BCAN: variants seen among roughly 807,000 people sequenced by gnomAD.
BCAN encodes the protein brevican core protein.
BCAN carries 51 observed loss-of-function variants against 92.4 expected under a neutral mutation model. The ratio of observed to expected loss-of-function variants is 0.55; its 90% CI spans 0.44 to 0.70. BCAN has a LOEUF of 0.70. Ranked by LOEUF, BCAN falls within the 30% of genes least tolerant of loss-of-function variation. BCAN has a pLI of 0.00. For synonymous variants in BCAN, 501 were observed against 505.2 expected (o/e 0.99, Z 0.11); for missense variants, 1,140 against 1,212.1 (o/e 0.94, Z 0.88).
Position 156,653,578 on chromosome 1 carries a change from C to T in BCAN, c.1942+686C>T, listed in dbSNP as rs887251064. Reference sequence around the variant, plus strand: ...CTTCTTCTCTGGCTCCATGTCTCTCCCTGTCTCTGTGTGTGTCTTGGCCTC... The same window carrying T: ...CTTCTTCTCTGGCTCCATGTCTCTCTCTGTCTCTGTGTGTGTCTTGGCCTC... On this transcript the variant is annotated intron_variant, in intron 8 of 13. Coordinates refer to ENST00000329117, the MANE Select transcript of BCAN (RefSeq NM_021948.5). 2.1e-5 allele frequency: 20 copies of T among 969,050 alleles called. No homozygotes were observed. The African/African-American group carries it at 3.5e-4, about 17-fold the overall frequency. 60.0% of individuals were successfully genotyped at this position (969,050 alleles called of 1,614,324 possible).
In BCAN at chr1:156,652,746, G is replaced by A. The variant is rs761504175; in HGVS notation, c.1796G>A (p.Arg599Gln). 22 of 1,604,768 alleles carry A rather than the reference G, an allele frequency of 1.4e-5. No individual in the cohort carries two copies. The highest frequency in any genetic ancestry group is 1.7e-5 in the Non-Finnish European group (20 of 1,174,454). ...EGAPSLLPAT[R>Q]APEGTRELEA... is the part of the protein sequence containing the mutation. The stretch of plus-strand genomic sequence containing the variant: ...GCCCCTTCCCTGCTTCCAGCCACAC[G>A]GGCCCCTGAGGGTACCAGGGAGCTG... The change falls in exon 8 of 14, where the codon CGG (arginine) becomes CAG (glutamine). Residue 599 changes from arginine to glutamine, a missense_variant. By Grantham distance (43) the Arg-to-Gln change is conservative. Transcript: ENST00000329117.
chr1:156,653,481 A>G, intron 8 of BCAN: 1 of 987,328 alleles, frequency 1.0e-6, no homozygotes, highest in African/African-American at 1.7e-5. Context: ...AAGCTCTGGT[A>G]CCCTCTGTCT....
At chr1:156,643,425 C>T (rs962311467) in intron 1 of BCAN, 1 of 152,114 alleles carries the variant, frequency 6.6e-6, no homozygotes, top group Non-Finnish European at 1.5e-5. Context: ...CTCATGAAGC[C>T]GTTAAGGGGG....
intron 10 of BCAN, chr1:156,657,302 A>G: frequency 2.6e-6 from 2 of 775,176 alleles, no homozygotes; most frequent in Non-Finnish European, 4.0e-6. Context: ...CGGAGAGTGG[A>G]GGTTCGCGCA....
At chr1:156,646,009 G>T in intron 1 of BCAN, 38 bp from the exon 2 acceptor site, 2 of 1,573,758 alleles carry the variant, frequency 1.3e-6, no homozygotes, top group Non-Finnish European at 1.7e-6. Context: ...CCATCCTGAA[G>T]TCTAACCCCA....
intron 1 of BCAN, among the ~76,000 whole-genome samples, chr1:156,645,579 A>T (rs1433456847): frequency 6.6e-6 from 1 of 152,010 alleles, no homozygotes; most frequent in Admixed American, 6.6e-5. Flanking sequence ...ACTATGGGAG[A>T]AGGCTCTGGG....
Position 156,648,758 on chromosome 1 carries a change from G to A in BCAN, c.960G>A (p.Gln320=). The A allele has an allele frequency of 6.2e-7, 1 of 1,611,782 alleles. No homozygotes were observed. Among genetic ancestry groups the A allele is most frequent in the Non-Finnish European group, 8.5e-7 (1 of 1,178,078 alleles). The change falls in exon 6 of 14, where the codon CAG becomes CAA. Residue 320 remains glutamine (Q), a synonymous_variant. Transcript: ENST00000329117. ...GCTACCCCATCGTCACACCCAGCCA[G>A]CGCTGTGGTGGGGGCTTGCCTGGTG... The part of the protein sequence containing the change: ...SVRYPIVTPS[Q]RCGGGLPGVK...
chr1:156,648,559 T>C lies in BCAN; in HGVS notation c.770-9T>C. 1.3e-6 allele frequency: 2 copies of C among 1,573,100 alleles called. No homozygotes were observed. Among genetic ancestry groups the C allele is most frequent in the Non-Finnish European group, 1.7e-6 (2 of 1,150,282 alleles). On this transcript the variant is annotated splice_polypyrimidine_tract_variant and intron_variant, in intron 5 of 13. Coordinates refer to ENST00000329117, the MANE Select transcript of BCAN (RefSeq NM_021948.5). ...TGCCTGATAACCCAGCCTTCTCTTC[T>C]CCACCCAGGAGAACTGTTCCTGGGT...
Position 156,647,296 on chromosome 1 carries a change from GA to G in BCAN, c.466+126del. The G allele has an allele frequency of 3.1e-6, 4 of 1,300,396 alleles. No homozygotes were observed. Among genetic ancestry groups the G allele is most frequent in the Non-Finnish European group, 3.1e-6 (3 of 966,684 alleles). The allele number at this position is 1,300,396 out of a possible 1,614,324, so 80.6% of individuals were successfully genotyped here. A position where few individuals can be genotyped will look rare whatever the true frequency, so the allele number is the denominator to read the frequency against. On this transcript the variant is annotated intron_variant, in intron 3 of 13. Transcript: ENST00000329117. The surrounding 1 kb of genome is among the most constrained non-coding windows in gnomAD (Gnocchi z 4.8). ...TAGCTGGAAGGCGCAGCCTGGGTTG[GA>G]AAAAGAGTGAGGAGACACGGGCCTT...
intron 8 of BCAN, chr1:156,653,222 C>T (rs913357921): frequency 7.8e-7 from 1 of 1,280,302 alleles, no homozygotes; most frequent in African/African-American, 1.5e-5. Context: ...GTCCTCATCA[C>T]CTATTGCAGC....
rs1172585766 is a variant in BCAN at position 156,655,859 on chromosome 1, G to T, written c.1943-423G>T. Among the ~76,000 whole-genome samples the T allele has an allele frequency of 2.6e-5, 4 of 152,228 alleles. 1 individual carries two copies. The highest frequency in any genetic ancestry group is 4.1e-4 in the South Asian group (2 of 4,832). On this transcript the variant is annotated intron_variant, in intron 8 of 13. Transcript: ENST00000329117. ...TGGGACCTGGCACAAAGACAAGGGG[G>T]TGTGGCACTAAACTCCAAGCCTAGA...
rs1329084676 is a variant in BCAN at position 156,646,224 on chromosome 1, AAG to A, written c.91+87_91+88del. 3.6e-6 allele frequency: 5 copies of A among 1,381,480 alleles called. No individual in the cohort carries two copies. In the African/African-American group the frequency reaches 5.7e-5, roughly 16 times the overall value. 85.6% of individuals were successfully genotyped at this position (1,381,480 alleles called of 1,614,324 possible). On this transcript the variant is annotated intron_variant, in intron 2 of 13. Transcript: ENST00000329117. The stretch of plus-strand genomic sequence containing the variant: ...TGCTTCCAGGCTTAGGGGCCCCAGG[AAG>A]AGAGAGAATTGGAGGGCTGTGGGGA...
At chr1:156,653,850 G>A (rs1211199828) in intron 8 of BCAN, among the ~76,000 whole-genome samples, 1 of 152,126 alleles carries the variant, frequency 6.6e-6, no homozygotes, top group Non-Finnish European at 1.5e-5. Flanking sequence ...CATGTGTTGT[G>A]CATTTATATT....
intron 2 of BCAN, 147 bp from the exon 3 acceptor site, chr1:156,646,647 AGGACCCT>A (rs765216666): frequency 2.8e-5 from 33 of 1,181,032 alleles, no homozygotes; most frequent in South Asian, 1.6e-4. Context: ...GTAGGGCTGC[AGGACCCT>A]GGCCCCTGGC....
intron 1 of BCAN, among the ~76,000 whole-genome samples, chr1:156,645,093 G>A (rs1206211721): frequency 1.3e-5 from 2 of 152,134 alleles, no homozygotes; most frequent in Admixed American, 6.5e-5. Flanking sequence ...TAAGTGCTTC[G>A]AGATCTTTGG....
In BCAN at chr1:156,647,799, GGA is replaced by G; in HGVS notation, c.641+118_641+119del. 1 of 1,533,784 alleles carries G rather than the reference GGA, an allele frequency of 6.5e-7. No individual in the cohort carries two copies. Among genetic ancestry groups the G allele is most frequent in the Non-Finnish European group, 8.9e-7 (1 of 1,117,772 alleles). On this transcript the variant is annotated intron_variant, in intron 4 of 13. Coordinates refer to ENST00000329117, the MANE Select transcript of BCAN (RefSeq NM_021948.5). The surrounding 1 kb of genome is among the most constrained non-coding windows in gnomAD (Gnocchi z 4.8). ...ACATGCAGGGCTTTTTGCCTCTGGG[GGA>G]TGAGGCTGGTCTGAGGAGGGGAGGT... is the stretch of plus-strand genomic sequence containing the variant.
chr1:156,650,063 G>A (rs189916151), intron 6 of BCAN: 1 of 410,756 alleles, frequency 2.4e-6, no homozygotes, highest in Admixed American at 2.9e-5. Context: ...GGGTTGGGGA[G>A]GGGTGGGGAA....
Position 156,648,017 on chromosome 1 carries a change from G to C in BCAN, c.676G>C (p.Gly226Arg), listed in dbSNP as rs377323218. The C allele has an allele frequency of 6.8e-5, 109 of 1,613,866 alleles. No homozygotes were observed. The highest frequency in any genetic ancestry group is 8.9e-5 in the Non-Finnish European group (105 of 1,179,960). ...CCAGACCCCACGAGAGGCCTGTTAC[G>C]GAGACATGGATGGCTTCCCCGGGGT... ...PIQTPREACY[G>R]DMDGFPGVRN... Residue 226 changes from glycine (G) to arginine (R), a missense_variant, in exon 5 of 14, where the codon GGA becomes CGA. Around this residue, in one of 3 missense-constraint regions of BCAN, gnomAD observed 29 missense variants for 56.2 expected, o/e 0.52. Coordinates refer to ENST00000329117, the MANE Select transcript of BCAN (RefSeq NM_021948.5).
chr1:156,651,628 G>C lies in BCAN; in HGVS notation c.1236G>C (p.Glu412Asp), dbSNP rs1450720180. The C allele has an allele frequency of 6.2e-7, 1 of 1,613,808 alleles. No individual in the cohort carries two copies. The highest frequency in any genetic ancestry group is 8.5e-7 in the Non-Finnish European group (1 of 1,180,038). The change falls in exon 7 of 14, where the codon GAG (glutamate) becomes GAC (aspartate). Residue 412 changes from glutamate (E) to aspartate (D), a missense_variant. Transcript: ENST00000329117. ...CCATCTACTCCATCCCCATCATGGA[G>C]GACGGAGGAGGTGGAAGCTCCACTC... ...RGAIYSIPIM[E>D]DGGGGSSTPE...
Sources: gnomAD v4.1 joint callset for allele counts (sites outside exome capture counted in the v4.1 genomes callset) on GRCh38, gnomAD v4.1.1 for gene constraint, gnomAD v4.1.1 regional missense constraint, Gnocchi (gnomAD v3.1) non-coding constraint, MANE v1.5 for transcripts, NCBI Gene and HGNC (gene_info 2026-07-23, HGNC 2026-07-21) for gene names.